Variants in KIF5A observed in about 807,000 individuals in gnomAD.
The protein encoded by KIF5A is kinesin heavy chain isoform 5A.
KIF5A carries 35 observed loss-of-function variants against 141.3 expected under a neutral mutation model. That is an observed-to-expected ratio of 0.25 (90% confidence interval 0.19 to 0.33). The LOEUF (loss-of-function observed/expected upper bound fraction) is 0.33. Among genes scored for constraint, KIF5A ranks in the 10% least tolerant of loss-of-function variants. The pLI, the probability that KIF5A is intolerant of heterozygous loss-of-function variation, is 1.00. For missense variants in KIF5A, 861 were observed against 1,314.3 expected (o/e 0.66, Z 5.33); for synonymous variants, 448 against 500.2 (o/e 0.90, Z 1.39).
intron 25 of KIF5A, 25 bp from the exon 26 acceptor site, chr12:57,581,845 T>G: frequency 6.2e-6 from 10 of 1,603,460 alleles, no homozygotes; most frequent in Non-Finnish European, 8.5e-6. Flanking sequence ...TGTCAGAGGC[T>G]GCCTCTTTCC....
intron 20 of KIF5A, among the ~76,000 whole-genome samples, chr12:57,577,322 C>T (rs1241920332): frequency 2.6e-5 from 4 of 152,146 alleles, no homozygotes; most frequent in African/African-American, 4.8e-5. Flanking sequence ...AGGCTGGGTG[C>T]GATGGCTTAC....
intron 6 of KIF5A, 84 bp downstream of exon 6, chr12:57,565,057 G>A (rs1328266784): frequency 4.9e-6 from 6 of 1,229,756 alleles, no homozygotes; most frequent in Non-Finnish European, 7.2e-6. Flanking sequence ...TGACCCTGAA[G>A]TTGGAGGGTG....
intron 10 of KIF5A, 38 bp from the exon 11 acceptor site, chr12:57,569,497 G>C: frequency 1.2e-6 from 2 of 1,613,906 alleles, no homozygotes; most frequent in Admixed American, 3.3e-5. Context: ...CAAGTCTCAT[G>C]TTGCTCTCAT....
At chr12:57,564,257 G>C (rs777613523) in intron 4 of KIF5A, 45 bp downstream of exon 4, 2 of 1,377,802 alleles carry the variant, frequency 1.5e-6, no homozygotes, top group South Asian at 1.2e-5. Flanking sequence ...GGACTGGGAG[G>C]GGAAGATCTA....
intron 16 of KIF5A, 131 bp from the exon 17 acceptor site, chr12:57,575,509 C>G (rs545754634): frequency 1.1e-6 from 1 of 929,680 alleles, no homozygotes; most frequent in South Asian, 1.3e-5. Flanking sequence ...GGAATGGCCC[C>G]CAACCCTGCA....
At position 57,583,161 on chromosome 12, in the gene KIF5A, A is replaced by T. The variant is rs778286513; in HGVS notation, c.3081A>T (p.Gln1027His). The change falls in exon 28 of 29, where the codon CAA (glutamine) becomes CAT (histidine). Residue 1027 changes from glutamine (Q) to histidine (H), a missense_variant. Around this residue, in one of 5 missense-constraint regions of KIF5A, gnomAD observed 482 missense variants for 661.3 expected, o/e 0.73. Coordinates refer to ENST00000455537, the MANE Select transcript of KIF5A (RefSeq NM_004984.4). ...EDQAKLFPLH[Q>H]ETAAS ...AGGCCAAGCTTTTCCCTCTCCACCA[A>T]GAGACAGCAGCCAGCTAATCTCCCA... The T allele has an allele frequency of 6.2e-7, 1 of 1,613,898 alleles. No individual in the cohort carries two copies. The highest frequency in any genetic ancestry group is 8.5e-7 in the Non-Finnish European group (1 of 1,179,940).
At chr12:57,569,955 T>A in intron 11 of KIF5A, 32 bp from the exon 12 acceptor site, 1 of 1,608,558 alleles carries the variant, frequency 6.2e-7, no homozygotes, top group African/African-American at 1.3e-5. Flanking sequence ...TTCTTCTTCT[T>A]CCATCTCTCA....
At chr12:57,576,442 C>T (rs1183742459) in intron 19 of KIF5A, 64 bp downstream of exon 19, 2 of 1,230,182 alleles carry the variant, frequency 1.6e-6, no homozygotes, top group Non-Finnish European at 1.2e-6. Flanking sequence ...TATTGACTCA[C>T]ATGTCCCCTC....
chr12:57,575,094 T>C lies in KIF5A; in HGVS notation c.1727T>C (p.Ile576Thr). The change falls in exon 16 of 29, where the codon ATC (isoleucine) becomes ACC (threonine). Residue 576 changes from isoleucine to threonine, a missense_variant. Ile to Thr is a moderately conservative substitution (Grantham distance 89). This residue lies in a region of KIF5A where 482 missense variants were observed against 661.3 expected (regional missense o/e 0.73). Coordinates refer to ENST00000455537, the MANE Select transcript of KIF5A (RefSeq NM_004984.4). ...GNGEIKLPVE[I>T]SGAIEEEFTV... ...CTTTAATCACCTTAGCCAGTGGAGATCAGTGGGGCCATCGAGGAGGAGTTC... is the reference window on the plus strand; with the variant it reads ...CTTTAATCACCTTAGCCAGTGGAGACCAGTGGGGCCATCGAGGAGGAGTTC... 1 of 1,614,048 alleles carries C rather than the reference T, an allele frequency of 6.2e-7. No homozygotes were observed. The highest frequency in any genetic ancestry group is 1.1e-5 in the South Asian group (1 of 91,066).
At position 57,550,137 on chromosome 12, in the gene KIF5A, C is replaced by T; in HGVS notation, c.-135C>T. 7.7e-7 allele frequency: 1 copy of T among 1,290,516 alleles called. No homozygotes were observed. Among genetic ancestry groups the T allele is most frequent in the Non-Finnish European group, 1.1e-6 (1 of 904,600 alleles). 79.9% of individuals were successfully genotyped at this position (1,290,516 alleles called of 1,614,324 possible). ...CCCGGCCCTGCTCCCCAGGCTTCGC[C>T]CGGGCGCCCTCAACTCTGTCCCCAG... On this transcript the variant is annotated 5_prime_UTR_variant, in exon 1 of 29. Transcript: ENST00000455537. The surrounding 1 kb of genome is among the most constrained non-coding windows in gnomAD (Gnocchi z 4.6).
intron 12 of KIF5A, 128 bp downstream of exon 12, chr12:57,570,290 AC>A (rs1462694771): frequency 5.1e-6 from 4 of 782,486 alleles, no homozygotes; most frequent in Non-Finnish European, 8.2e-6. Context: ...AAATGTGGAA[AC>A]ATCAATATAA....
At position 57,585,517 on chromosome 12, in the gene KIF5A, G is replaced by C. The variant is rs1882734222; in HGVS notation, c.*1336G>C. 1.3e-5 allele frequency: 2 copies of C among 154,416 alleles called. No individual in the cohort carries two copies. The highest frequency in any genetic ancestry group is 2.0e-4 in the South Asian group (1 of 4,922). The allele number at this position is 154,416 out of a possible 1,614,324, so 9.6% of individuals were successfully genotyped here. On this transcript the variant is annotated 3_prime_UTR_variant, in exon 29 of 29. Transcript: ENST00000455537. ...CTTTCCTTCCACATGGTGCTAAGGTGGTTTTCTAGGTAACTGCAGGGATGG... is the reference window on the plus strand; with the variant it reads ...CTTTCCTTCCACATGGTGCTAAGGTCGTTTTCTAGGTAACTGCAGGGATGG...
intron 8 of KIF5A, 113 bp downstream of exon 8, chr12:57,567,731 G>A: frequency 8.9e-7 from 1 of 1,121,402 alleles, no homozygotes; most frequent in Non-Finnish European, 1.2e-6. Flanking sequence ...CACGATCTCT[G>A]TTCACTGCAA....
At chr12:57,575,619 T>A (rs1225633639) in intron 16 of KIF5A, 21 bp from the exon 17 acceptor site, 2 of 1,601,850 alleles carry the variant, frequency 1.2e-6, no homozygotes, top group African/African-American at 2.7e-5. Context: ...CTTCTTCCTC[T>A]CACCAACTTT....
intron 15 of KIF5A, among the ~76,000 whole-genome samples, chr12:57,574,012 G>A (rs564131940): frequency 1.4e-4 from 21 of 150,680 alleles, no homozygotes; most frequent in Non-Finnish European, 3.0e-4. Flanking sequence ...GAACCTGGGA[G>A]GCGGAGCTTG....
chr12:57,577,873 T>C, intron 21 of KIF5A, 100 bp downstream of exon 21: 1 of 1,268,656 alleles, frequency 7.9e-7, no homozygotes. Context: ...AGCCATTCTG[T>C]AGCGTAATCA....
chr12:57,553,533 C>A (rs1157321457), intron 1 of KIF5A, among the ~76,000 whole-genome samples: 2 of 152,040 alleles, frequency 1.3e-5, no homozygotes, highest in Non-Finnish European at 2.9e-5. Context: ...TTCATTGTGG[C>A]CAGTGTCTCT....
chr12:57,568,464 A>G (rs1338022671), intron 8 of KIF5A, among the ~76,000 whole-genome samples: 16 of 151,884 alleles, frequency 1.1e-4, no homozygotes, highest in Admixed American at 1.1e-3. Flanking sequence ...GGTGGCTCAC[A>G]CCTGTAATCC....
Position 57,550,974 on chromosome 12 carries a change from T to C in KIF5A, c.129+574T>C, listed in dbSNP as rs1444279693. On this transcript the variant is annotated intron_variant, in intron 1 of 28. Transcript: ENST00000455537. This position sits in a 1 kb window ranked among gnomAD's most constrained non-coding sequence, Gnocchi z 4.6. Reference sequence around the variant, plus strand: ...GATGCAGGGTTTACTGGGAAAGAAATCATTGATGCCACACCCAATCTTGGG... The same window carrying C: ...GATGCAGGGTTTACTGGGAAAGAAACCATTGATGCCACACCCAATCTTGGG... Among the ~76,000 whole-genome samples the C allele has an allele frequency of 1.3e-5, 2 of 151,946 alleles. No individual in the cohort carries two copies. The highest frequency in any genetic ancestry group is 2.4e-5 in the African/African-American group (1 of 41,352).
Sources: allele counts gnomAD v4.1 joint callset (sites outside exome capture counted in the v4.1 genomes callset), GRCh38; gene constraint gnomAD v4.1.1; regional missense constraint gnomAD v4.1.1; non-coding constraint Gnocchi (gnomAD v3.1); transcripts MANE v1.5; gene names NCBI Gene and HGNC (gene_info 2026-07-23, HGNC 2026-07-21).